Variants in OTOA observed in about 807,000 individuals in gnomAD.
The protein encoded by OTOA is cancer/testis antigen 108.
OTOA carries 70 observed loss-of-function variants against 110.8 expected under a neutral mutation model. The ratio of observed to expected loss-of-function variants is 0.63; its 90% CI spans 0.52 to 0.77. The LOEUF (loss-of-function observed/expected upper bound fraction) is 0.77. Ranked by LOEUF, OTOA falls within the 30% of genes least tolerant of loss-of-function variation. OTOA has a pLI of 0.00. For synonymous variants in OTOA, 373 were observed against 431.5 expected (o/e 0.86, Z 1.68); for missense variants, 917 against 1,075.8 (o/e 0.85, Z 2.06).
intron 21 of OTOA, among the ~76,000 whole-genome samples, chr16:21,732,374 G>C (rs1490779459): frequency 6.6e-6 from 1 of 152,224 alleles, no homozygotes; most frequent in Admixed American, 6.5e-5. Context: ...GGGTACAGGT[G>C]GTGTTTGGTT....
At chr16:21,707,581 C>T (rs191904860) in intron 12 of OTOA, among the ~76,000 whole-genome samples, 1 of 136,520 alleles carries the variant, frequency 7.3e-6, no homozygotes, top group African/African-American at 2.7e-5. Flanking sequence ...TCCCTACCTT[C>T]CTTCTCCTTC....
chr16:21,672,796 A>T (rs1161675986), intron 1 of OTOA, among the ~76,000 whole-genome samples: 2 of 152,134 alleles, frequency 1.3e-5, no homozygotes. Context: ...TTGAAACTAT[A>T]TATTATTGTT....
chr16:21,687,379 C>T, intron 7 of OTOA, 34 bp from the exon 8 acceptor site: 1 of 1,597,386 alleles, frequency 6.3e-7, no homozygotes, highest in Non-Finnish European at 8.6e-7. Context: ...AGAGGCAGCT[C>T]TCAAACTGAC....
Position 21,727,268 on chromosome 16 carries a change from C to T in OTOA, c.2016+610C>T, listed in dbSNP as rs148718031. The stretch of plus-strand genomic sequence containing the variant: ...CTGACATCAGGTGATCCATCCACCT[C>T]GGCCTCCCAAAGTGTTGGGATTACA... On this transcript the variant is annotated intron_variant, in intron 19 of 28. Coordinates refer to ENST00000646100, the MANE Select transcript of OTOA (RefSeq NM_144672.4). 2.6e-3 allele frequency: 413 copies of T among 157,558 alleles called. 2 individuals are homozygous for T. The highest frequency in any genetic ancestry group is 9.2e-3 in the African/African-American group (382 of 41,506). 9.8% of individuals were successfully genotyped at this position (157,558 alleles called of 1,614,324 possible).
chr16:21,684,472 ACAGTGC>A (rs1966961283), intron 6 of OTOA: 2 of 1,546,944 alleles, frequency 1.3e-6, no homozygotes, highest in Middle Eastern at 1.7e-4. Flanking sequence ...GGGTTTGGGC[ACAGTGC>A]CATCTGGGGT....
At chr16:21,758,596 A>G (rs1255358582) in intron 28 of OTOA, among the ~76,000 whole-genome samples, 1 of 149,654 alleles carries the variant, frequency 6.7e-6, no homozygotes, top group Non-Finnish European at 1.5e-5. Context: ...CTGCCTTCAC[A>G]TAGGGATGGT....
At chr16:21,728,192 A>G in intron 19 of OTOA, 49 bp from the exon 20 acceptor site, 1 of 1,610,176 alleles carries the variant, frequency 6.2e-7, no homozygotes, top group South Asian at 1.1e-5. Flanking sequence ...ATGGCTCACG[A>G]TCTTATGCTC....
At chr16:21,673,485 G>T (rs1205602462) in intron 1 of OTOA, among the ~76,000 whole-genome samples, 1 of 151,978 alleles carries the variant, frequency 6.6e-6, no homozygotes, top group Non-Finnish European at 1.5e-5. Context: ...CTCTCCCCAT[G>T]GCAAATACCA....
intron 17 of OTOA, chr16:21,721,596 T>C (rs1045388712): frequency 2.3e-6 from 1 of 428,662 alleles, no homozygotes; most frequent in Non-Finnish European, 4.8e-6. Flanking sequence ...TTCTTTTATA[T>C]ATAAAATATA....
Position 21,736,292 on chromosome 16 carries a change from A to G in OTOA, c.2333A>G (p.Lys778Arg). 1 of 1,613,916 alleles carries G rather than the reference A, an allele frequency of 6.2e-7. No individual in the cohort carries two copies. Among genetic ancestry groups the G allele is most frequent in the Non-Finnish European group, 8.5e-7 (1 of 1,179,800 alleles). ...FPEILLQAAS[K>R]MARTLPTKEF... Reference sequence around the variant, plus strand: ...GAGATCCTTCTGCAAGCAGCTTCCAAGATGGCCAGGACCCTGCCCACTAAA... The same window carrying G: ...GAGATCCTTCTGCAAGCAGCTTCCAGGATGGCCAGGACCCTGCCCACTAAA... The change falls in exon 22 of 29, where the codon AAG becomes AGG. Residue 778 changes from lysine to arginine, a missense_variant. Lys to Arg is a conservative substitution (Grantham distance 26). Around this residue, in one of 6 missense-constraint regions of OTOA, gnomAD observed 57 missense variants for 59.7 expected, o/e 0.96. Transcript: ENST00000646100.
intron 12 of OTOA, among the ~76,000 whole-genome samples, chr16:21,708,888 A>G (rs1385170581): frequency 3.3e-5 from 5 of 152,206 alleles, no homozygotes; most frequent in Non-Finnish European, 7.3e-5. Flanking sequence ...ACACTTTACT[A>G]TCATTAGGCA....
At chr16:21,683,059 A>G (rs1353596806) in intron 6 of OTOA, among the ~76,000 whole-genome samples, 1 of 152,174 alleles carries the variant, frequency 6.6e-6, no homozygotes, top group African/African-American at 2.4e-5. Flanking sequence ...TGTATATACC[A>G]TATTTATTTA....
chr16:21,729,041 T>G (rs545127844), intron 20 of OTOA, among the ~76,000 whole-genome samples: 124 of 132,520 alleles, frequency 9.4e-4, no homozygotes, highest in Middle Eastern at 4.4e-3. Context: ...GTTTAAAGAC[T>G]ATTTTTTTTT....
chr16:21,684,361 ATC>A (rs1966959223), intron 6 of OTOA: 21 of 1,400,612 alleles, frequency 1.5e-5, no homozygotes, highest in Non-Finnish European at 1.9e-5. Flanking sequence ...AGCAGAGGAA[ATC>A]TCTTTCAGGA....
intron 6 of OTOA, chr16:21,684,332 A>G (rs1966958021): frequency 7.3e-7 from 1 of 1,366,558 alleles, no homozygotes; most frequent in Admixed American, 2.8e-5. Flanking sequence ...ACGGAGATTT[A>G]GAGAACAATT....
chr16:21,677,337 T>C (rs531964243), intron 1 of OTOA, among the ~76,000 whole-genome samples: 45 of 152,298 alleles, frequency 3.0e-4, no homozygotes, highest in Admixed American at 2.9e-3. Context: ...ATAGTCAGTC[T>C]TTGAAATTTT....
intron 9 of OTOA, among the ~76,000 whole-genome samples, chr16:21,694,297 G>A (rs1056456771): frequency 6.6e-6 from 1 of 151,918 alleles, no homozygotes; most frequent in East Asian, 1.9e-4. Context: ...TTAAAAAATA[G>A]CCGGTGTCCT....
In OTOA at chr16:21,717,052, T is replaced by TGG. The variant is rs762927807; in HGVS notation, c.1629+5_1629+6insGG. 6.2e-7 allele frequency: 1 copy of TGG among 1,614,060 alleles called. No individual in the cohort carries two copies. The highest frequency in any genetic ancestry group is 1.7e-5 in the Admixed American group (1 of 60,006). Reference sequence around the variant, plus strand: ...AAGGAACTTGGAAGGAGCCAGGTATTACCATGAAACACAGATCGATCCTGT... The same window carrying TGG: ...AAGGAACTTGGAAGGAGCCAGGTATTGGACCATGAAACACAGATCGATCCTGT... On this transcript the variant is annotated splice_donor_region_variant and intron_variant, in intron 15 of 28. Coordinates refer to ENST00000646100, the MANE Select transcript of OTOA (RefSeq NM_144672.4).
chr16:21,709,687 G>A (rs1370893116), intron 12 of OTOA, among the ~76,000 whole-genome samples: 2 of 152,128 alleles, frequency 1.3e-5, no homozygotes, highest in East Asian at 3.8e-4. Flanking sequence ...GAAAGCTAAG[G>A]CCAGAAGAGG....
Sources: allele counts gnomAD v4.1 joint callset (sites outside exome capture counted in the v4.1 genomes callset), GRCh38; gene constraint gnomAD v4.1.1; regional missense constraint gnomAD v4.1.1; transcripts MANE v1.5; gene names NCBI Gene and HGNC (gene_info 2026-07-23, HGNC 2026-07-21).